LYPLAL1: variants seen among roughly 807,000 people sequenced by gnomAD.
The protein encoded by LYPLAL1 is lysophospholipase-like protein 1.
In LYPLAL1, 23 loss-of-function variants were observed where a neutral mutation model predicts 19.7. The observed-to-expected ratio is 1.17, with a 90% CI of 0.84 to 1.65. The LOEUF is 1.65. LYPLAL1 is among the 40% of genes most tolerant of loss of function. LYPLAL1 has a pLI of 0.00. For synonymous variants in LYPLAL1, 119 were observed against 96.3 expected (o/e 1.24, Z -1.38); for missense variants, 355 against 279.4 (o/e 1.27, Z -1.93).
the LYPLAL1 span, among the ~76,000 whole-genome samples, chr1:219,364,074 T>G: frequency 2.6e-5 from 4 of 152,160 alleles, no homozygotes; most frequent in Non-Finnish European, 5.9e-5. Context: ...GTTCTGCATG[T>G]GATGACCAGC....
At chr1:219,218,151 T>C in the LYPLAL1 span, among the ~76,000 whole-genome samples, 1 of 151,958 alleles carries the variant, frequency 6.6e-6, no homozygotes, top group Non-Finnish European at 1.5e-5. Context: ...TATAGGAAAT[T>C]GGATAGTTCA....
At chr1:219,357,342 C>T in the LYPLAL1 span, among the ~76,000 whole-genome samples, 1 of 151,974 alleles carries the variant, frequency 6.6e-6, no homozygotes, top group Non-Finnish European at 1.5e-5. Flanking sequence ...TCCCATTTCA[C>T]CATAAATAAT....
At chr1:219,249,440 A>G in the LYPLAL1 span, among the ~76,000 whole-genome samples, 1 of 151,922 alleles carries the variant, frequency 6.6e-6, no homozygotes, top group Non-Finnish European at 1.5e-5. Flanking sequence ...TCTGCTATTG[A>G]TGTACATTTG....
the LYPLAL1 span, among the ~76,000 whole-genome samples, chr1:219,439,443 A>T: frequency 1.3e-5 from 2 of 152,328 alleles, no homozygotes; most frequent in Admixed American, 6.5e-5. Context: ...ATCCAACCTC[A>T]GCAGCCTAGA....
chr1:219,306,841 TAGATAGATAGAC>T, the LYPLAL1 span, among the ~76,000 whole-genome samples: 3 of 80,650 alleles, frequency 3.7e-5, no homozygotes, highest in Non-Finnish European at 6.2e-5. Flanking sequence ...GATAGATAGA[TAGATAGATAGAC>T]AGACAGACAG....
At chr1:219,221,611 G>T in the LYPLAL1 span, among the ~76,000 whole-genome samples, 1 of 152,212 alleles carries the variant, frequency 6.6e-6, no homozygotes, top group African/African-American at 2.4e-5. Flanking sequence ...AGGCCTATCT[G>T]CTGGTAGCTG....
chr1:219,423,475 A>G, the LYPLAL1 span, among the ~76,000 whole-genome samples: 2 of 152,336 alleles, frequency 1.3e-5, no homozygotes, highest in East Asian at 3.9e-4. Context: ...TACCAAGTAC[A>G]TAAATGAATT....
the LYPLAL1 span, among the ~76,000 whole-genome samples, chr1:219,324,808 T>C: frequency 1.2e-4 from 19 of 152,198 alleles, no homozygotes; most frequent in African/African-American, 4.6e-4. Context: ...TGGCAAGTTA[T>C]TGCTCTAACT....
At chr1:219,385,875 CTCAG>C in the LYPLAL1 span, among the ~76,000 whole-genome samples, 2 of 151,956 alleles carry the variant, frequency 1.3e-5, no homozygotes, top group African/African-American at 2.4e-5. Flanking sequence ...TATTTTTTTT[CTCAG>C]TCAGTGTTTC....
chr1:219,308,975 C>T, the LYPLAL1 span, among the ~76,000 whole-genome samples: 2 of 152,220 alleles, frequency 1.3e-5, no homozygotes, highest in Non-Finnish European at 2.9e-5. Context: ...AGATACTCAA[C>T]ATCAGCCTGT....
chr1:219,434,212 A>T, the LYPLAL1 span, among the ~76,000 whole-genome samples: 14 of 152,332 alleles, frequency 9.2e-5, no homozygotes, highest in African/African-American at 3.1e-4. Context: ...CAAAACTACA[A>T]GTAAGAAAAG....
At chr1:219,399,519 C>G in the LYPLAL1 span, among the ~76,000 whole-genome samples, 4,785 of 152,218 alleles carry the variant, frequency 0.031, 241 homozygotes, top group African/African-American at 0.11. Flanking sequence ...CAAAATCTAC[C>G]CATGCGCTGG....
At chr1:219,238,824 G>A in the LYPLAL1 span, among the ~76,000 whole-genome samples, 1 of 152,088 alleles carries the variant, frequency 6.6e-6, no homozygotes, top group African/African-American at 2.4e-5. Flanking sequence ...AAGATAATTG[G>A]ACTGTGAAGA....
chr1:219,271,496 C>T, the LYPLAL1 span: 3 of 151,584 alleles, frequency 2.0e-5, no homozygotes, highest in African/African-American at 7.3e-5. Flanking sequence ...TATTTTTCTG[C>T]ATGCATTGAA....
the LYPLAL1 span, among the ~76,000 whole-genome samples, chr1:219,412,330 T>C: frequency 6.6e-6 from 1 of 152,160 alleles, no homozygotes; most frequent in Non-Finnish European, 1.5e-5. Flanking sequence ...CCAAGCCTTA[T>C]TTGGTGGTTT....
At chr1:219,311,191 A>G in the LYPLAL1 span, among the ~76,000 whole-genome samples, 4 of 151,260 alleles carry the variant, frequency 2.6e-5, no homozygotes, top group South Asian at 2.1e-4. Context: ...GTGCTTAACC[A>G]CAACCTTTAT....
the LYPLAL1 span, among the ~76,000 whole-genome samples, chr1:219,337,492 G>A: frequency 1.3e-5 from 2 of 151,984 alleles, no homozygotes; most frequent in African/African-American, 4.8e-5. Context: ...TTTGATTAAA[G>A]CAGGAGCACA....
At chr1:219,348,615 T>G in the LYPLAL1 span, among the ~76,000 whole-genome samples, 2 of 152,188 alleles carry the variant, frequency 1.3e-5, no homozygotes, top group African/African-American at 4.8e-5. Flanking sequence ...TAAGCTAAAA[T>G]TTTAGGTAGT....
the LYPLAL1 span, among the ~76,000 whole-genome samples, chr1:219,355,195 C>T: frequency 2.6e-5 from 4 of 152,122 alleles, no homozygotes; most frequent in South Asian, 2.1e-4. Context: ...ATATGGCCTG[C>T]GTAACTAAGG....
Sources: gnomAD v4.1 joint callset for allele counts (sites outside exome capture counted in the v4.1 genomes callset) on GRCh38, gnomAD v4.1.1 for gene constraint, MANE v1.5 for transcripts, NCBI Gene and HGNC (gene_info 2026-07-23, HGNC 2026-07-21) for gene names.